MED23: variants seen among roughly 807,000 people sequenced by gnomAD.
MED23 encodes the protein mediator of RNA polymerase II transcription subunit 23.
A neutral mutation model predicts 163.9 loss-of-function variants in MED23; 105 were observed. The observed-to-expected ratio is 0.64, with a 90% CI of 0.55 to 0.75. The LOEUF is 0.75. Ranked by LOEUF, MED23 falls within the 30% of genes least tolerant of loss-of-function variation. The probability of loss-of-function intolerance (pLI) is 0.00; values close to 1 mark genes in which losing one functional copy is unlikely to be tolerated. For synonymous variants in MED23, 561 were observed against 565.6 expected, an observed-to-expected ratio of 0.99 and a Z score of 0.12; for missense variants, 1,054 against 1,649.0, an observed-to-expected ratio of 0.64 and a Z score of 6.25.
chr6:131,586,689 C>T, downstream of MED23: 2 of 1,329,250 alleles, frequency 1.5e-6, no homozygotes, highest in South Asian at 1.5e-5. Context: ...TGACCCCAGC[C>T]AGCACACCAC....
chr6:131,580,584 T>C (rs1773869284), intron 30 of MED23, among the ~76,000 whole-genome samples: 1 of 152,218 alleles, frequency 6.6e-6, no homozygotes, highest in African/African-American at 2.4e-5. Flanking sequence ...ATATCATTTA[T>C]GTCTTCCATT....
At chr6:131,593,842 A>G (rs1774837293) in intron 23 of MED23, among the ~76,000 whole-genome samples, 1 of 152,126 alleles carries the variant, frequency 6.6e-6, no homozygotes, top group African/African-American at 2.4e-5. Flanking sequence ...AAATCTCCAT[A>G]AAGTCTATTT....
intron 22 of MED23, 23 bp from the exon 23 acceptor site, chr6:131,594,358 C>T (rs1774884115): frequency 1.3e-6 from 2 of 1,530,270 alleles, no homozygotes; most frequent in Non-Finnish European, 9.1e-7. Flanking sequence ...AAACATACCA[C>T]CACAATGTTT....
chr6:131,577,855 G>C (rs1382707057), intron 30 of MED23, among the ~76,000 whole-genome samples: 2 of 148,924 alleles, frequency 1.3e-5, no homozygotes, highest in African/African-American at 2.5e-5. Flanking sequence ...AGTGAGCTGA[G>C]ATTGCGCCAC....
rs148273952 is a variant in MED23, at chr6:131,602,356, T to C, written c.1957A>G (p.Ile653Val). The change falls in exon 17 of 29, where the codon ATA becomes GTA. Residue 653 changes from isoleucine to valine, a missense_variant. Ile to Val is a conservative substitution (Grantham distance 29). This residue lies in a region of MED23 where 228 missense variants were observed against 461.3 expected (regional missense o/e 0.49). Coordinates refer to ENST00000368068, the MANE Select transcript of MED23 (RefSeq NM_004830.4). ...LCVESTALRL[I>V]TALGSSEVQP... is the part of the protein sequence containing the mutation. ...ACCTCTGAGCTACCTAATGCTGTTA[T>C]AAGCCTGAGAGCAGTGCTCTCGACA... 3 of 1,613,818 alleles carry C rather than the reference T, an allele frequency of 1.9e-6. No homozygotes were observed. Among genetic ancestry groups the C allele is most frequent in the South Asian group, 2.2e-5 (2 of 91,062 alleles).
intron 30 of MED23, chr6:131,581,377 A>T: frequency 6.2e-7 from 1 of 1,612,294 alleles, no homozygotes; most frequent in East Asian, 2.2e-5. Flanking sequence ...CTAAAAGGAA[A>T]GGTAAAAGAC....
At chr6:131,583,854 A>G (rs771190594), downstream of MED23, 9 of 1,614,034 alleles carry the variant, frequency 5.6e-6, no homozygotes, top group Non-Finnish European at 7.6e-6. Context: ...CTTGTTTCGG[A>G]CTTGCTCGGG....
At chr6:131,600,687 T>C (rs1775405011) in intron 17 of MED23, among the ~76,000 whole-genome samples, 1 of 152,248 alleles carries the variant, frequency 6.6e-6, no homozygotes, top group South Asian at 2.1e-4. Context: ...TGTAGACCTC[T>C]TGGGGATTCC....
In MED23 at chr6:131,621,956, C is replaced by T. The variant is rs1777139725; in HGVS notation, c.420G>A (p.Val140=). The T allele has an allele frequency of 1.9e-6, 3 of 1,613,530 alleles. No homozygotes were observed. The highest frequency in any genetic ancestry group is 2.5e-6 in the Non-Finnish European group (3 of 1,179,592). ...GAATTGTCAAAATCTTCTCCAAAAT[C>T]ACTTTTAAGAGATCTCGAACACCCT... ...DYKGVRDLLK[V]ILEKILTIPN... is the part of the protein sequence containing the mutation. Residue 140 remains valine, a synonymous_variant, in exon 6 of 29, where the codon GTG becomes GTA. Coordinates refer to ENST00000368068, the MANE Select transcript of MED23 (RefSeq NM_004830.4).
At chr6:131,623,520 T>C (rs1188103476) in intron 4 of MED23, 58 bp from the exon 5 acceptor site, 15 of 1,323,364 alleles carry the variant, frequency 1.1e-5, no homozygotes, top group East Asian at 4.6e-5. Context: ...AGTTCTCTAA[T>C]AGCCGCCAAT....
At chr6:131,579,526 G>A (rs1773809076) in intron 30 of MED23, 8 of 371,422 alleles carry the variant, frequency 2.2e-5, no homozygotes, top group Non-Finnish European at 3.9e-5. Context: ...AAATATGAAT[G>A]GATTTCATCT....
intron 20 of MED23, among the ~76,000 whole-genome samples, chr6:131,597,659 A>C (rs942889968): frequency 1.1e-4 from 16 of 152,084 alleles, no homozygotes; most frequent in Admixed American, 7.9e-4. Flanking sequence ...AGTTTTGGAG[A>C]ATCAACTCAG....
chr6:131,587,639 G>C lies in MED23; in HGVS notation c.*40C>G. 1 of 1,613,526 alleles carries C rather than the reference G, an allele frequency of 6.2e-7. No homozygotes were observed. The highest frequency in any genetic ancestry group is 8.5e-7 in the Non-Finnish European group (1 of 1,179,756). On this transcript the variant is annotated 3_prime_UTR_variant, in exon 29 of 29. Coordinates refer to ENST00000368068, the MANE Select transcript of MED23 (RefSeq NM_004830.4). ...TAAAAGGTTTGAGTCCACTCTCAAA[G>C]ACGGATATATTTCTACTTTCTCCAC...
Position 131,586,891 on chromosome 6 carries a change from T to TA in MED23, c.*787_*788insT, listed in dbSNP as rs2114562531. The stretch of plus-strand genomic sequence containing the variant: ...AATATAAAATTTAAAAATTTTAAGA[T>TA]TATAAAAATTGAAGAATTACATCAT... On this transcript the variant is annotated 3_prime_UTR_variant, in exon 29 of 29. Transcript: ENST00000368068. 1 of 1,451,734 alleles carries TA rather than the reference T, an allele frequency of 6.9e-7. No individual in the cohort carries two copies. Among genetic ancestry groups the TA allele is most frequent in the East Asian group, 2.5e-5 (1 of 39,786 alleles). 89.9% of individuals were successfully genotyped at this position (1,451,734 alleles called of 1,614,324 possible).
chr6:131,602,945 T>C, intron 16 of MED23, 85 bp downstream of exon 16: 4 of 1,338,594 alleles, frequency 3.0e-6, no homozygotes, highest in African/African-American at 1.5e-5. Flanking sequence ...AAAAAAACTA[T>C]AAGGTAAAGG....
intron 27 of MED23, among the ~76,000 whole-genome samples, 197 bp downstream of exon 27, chr6:131,590,125 T>C (rs1774490728): frequency 6.6e-6 from 1 of 152,238 alleles, no homozygotes; most frequent in African/African-American, 2.4e-5. Context: ...GGGCGTTTCC[T>C]CTGCATCTCC....
intron 9 of MED23, among the ~76,000 whole-genome samples, chr6:131,618,045 C>G (rs1194419166): frequency 6.6e-6 from 1 of 152,126 alleles, no homozygotes; most frequent in Non-Finnish European, 1.5e-5. Flanking sequence ...AACTTGATAG[C>G]ACAGGTGTTA....
At chr6:131,588,831 C>T (rs926787611) in intron 28 of MED23, among the ~76,000 whole-genome samples, 1 of 152,182 alleles carries the variant, frequency 6.6e-6, no homozygotes, top group African/African-American at 2.4e-5. Context: ...AGTTCCTCTT[C>T]ATATGCTAAG....
rs1457746806 is a variant in MED23, at chr6:131,598,498, A to G, written c.2427-31T>C. On this transcript the variant is annotated intron_variant, in intron 19 of 28. Coordinates refer to ENST00000368068, the MANE Select transcript of MED23 (RefSeq NM_004830.4). This position sits in a 1 kb window ranked among gnomAD's most constrained non-coding sequence, Gnocchi z 4.7. ...AGGCAGAGAGTAAAACATAAACTCC[A>G]TTGTTGTATGGATACAACAATTTGC... The G allele has an allele frequency of 6.2e-7, 1 of 1,613,966 alleles. No individual in the cohort carries two copies. Among genetic ancestry groups the G allele is most frequent in the East Asian group, 2.2e-5 (1 of 44,848 alleles).
Sources: gnomAD v4.1 joint callset for allele counts (sites outside exome capture counted in the v4.1 genomes callset) on GRCh38, gnomAD v4.1.1 for gene constraint, gnomAD v4.1.1 regional missense constraint, Gnocchi (gnomAD v3.1) non-coding constraint, MANE v1.5 for transcripts, NCBI Gene and HGNC (gene_info 2026-07-23, HGNC 2026-07-21) for gene names.